The following CNTNAP4 variants were observed in gnomAD, a reference collection of about 807,000 sequenced individuals.
CNTNAP4 encodes contactin associated protein family member 4.
Under a neutral mutation model 148.4 loss-of-function variants are expected in CNTNAP4, and 98 were observed. The observed-to-expected ratio is 0.66, with a 90% CI of 0.56 to 0.78. The LOEUF (loss-of-function observed/expected upper bound fraction) is 0.78. Ranked by LOEUF, CNTNAP4 falls within the 30% of genes least tolerant of loss-of-function variation. The pLI is 0.00. For synonymous variants in CNTNAP4, 730 were observed against 565.1 expected, an observed-to-expected ratio of 1.29 and a Z score of -4.14; for missense variants, 1,935 against 1,565.6, an observed-to-expected ratio of 1.24 and a Z score of -3.98.
chr16:76,335,286 G>A (rs1259852504), intron 2 of CNTNAP4, among the ~76,000 whole-genome samples: 1 of 152,120 alleles, frequency 6.6e-6, no homozygotes, highest in South Asian at 2.1e-4. Flanking sequence ...CTATGTGTGA[G>A]ATGATGTAGA....
Position 76,476,058 on chromosome 16 carries a change from C to T in CNTNAP4, c.1762+13C>T, listed in dbSNP as rs1231917972. 4 of 1,564,054 alleles carry T rather than the reference C, an allele frequency of 2.6e-6. No homozygotes were observed. The highest frequency in any genetic ancestry group is 3.5e-6 in the Non-Finnish European group (4 of 1,134,610). The stretch of plus-strand genomic sequence containing the variant: ...ACTTGCCATAACTGTAAGCGGAACA[C>T]ATCTGCTTTTTCTTGCCCCTGTGAT... On this transcript the variant is annotated intron_variant, in intron 11 of 23. Transcript: ENST00000611870.
At chr16:76,540,675 GT>G (rs1568571631) in intron 20 of CNTNAP4, 27 bp from the exon 21 acceptor site, 1 of 1,488,066 alleles carries the variant, frequency 6.7e-7, no homozygotes, top group Non-Finnish European at 9.2e-7. Flanking sequence ...CCATTTGGAT[GT>G]TTTTATCTTG....
At chr16:76,525,810 A>G (rs1169534175) in intron 17 of CNTNAP4, among the ~76,000 whole-genome samples, 1 of 147,640 alleles carries the variant, frequency 6.8e-6, no homozygotes, top group Non-Finnish European at 1.5e-5. Context: ...GTTTATAGTT[A>G]AGCTAAACTA....
At chr16:76,314,901 AT>A (rs913170114) in intron 1 of CNTNAP4, among the ~76,000 whole-genome samples, 9 of 151,154 alleles carry the variant, frequency 6.0e-5, no homozygotes, top group South Asian at 4.2e-4. Context: ...TATAATTTTC[AT>A]TTTTTTTTGT....
intron 21 of CNTNAP4, among the ~76,000 whole-genome samples, chr16:76,546,707 C>T (rs531761248): frequency 1.3e-5 from 2 of 152,096 alleles, no homozygotes; most frequent in Non-Finnish European, 2.9e-5. Flanking sequence ...CTGTAGAAAA[C>T]CTGTCTTCCT....
chr16:76,436,174 G>T (rs28833619), intron 4 of CNTNAP4, among the ~76,000 whole-genome samples: 97,244 of 151,816 alleles, frequency 0.64, 32,538 homozygotes, highest in African/African-American at 0.84. Context: ...GTCTCAGGCA[G>T]CGCAGGGTTT....
intron 3 of CNTNAP4, among the ~76,000 whole-genome samples, chr16:76,369,765 C>T (rs1460387685): frequency 6.6e-6 from 1 of 152,126 alleles, no homozygotes; most frequent in African/African-American, 2.4e-5. Context: ...TCGCTTCAGC[C>T]TGGGAAGCAG....
chr16:76,516,646 A>C (rs979737855), intron 15 of CNTNAP4, among the ~76,000 whole-genome samples: 5 of 152,268 alleles, frequency 3.3e-5, no homozygotes, highest in Admixed American at 2.0e-4. Context: ...GCTGAAAGCT[A>C]CGTAGGTGTC....
At chr16:76,421,013 T>G (rs977624157) in intron 3 of CNTNAP4, among the ~76,000 whole-genome samples, 1 of 152,066 alleles carries the variant, frequency 6.6e-6, no homozygotes, top group African/African-American at 2.4e-5. Flanking sequence ...ATATCTCTCA[T>G]AAAACAATTT....
chr16:76,556,211 G>A (rs2085192661), intron 23 of CNTNAP4, among the ~76,000 whole-genome samples: 1 of 151,876 alleles, frequency 6.6e-6, no homozygotes, highest in Admixed American at 6.6e-5. Context: ...TGTGGTAGGG[G>A]GTTTCTGGCC....
chr16:76,446,578 T>C (rs943829758), intron 4 of CNTNAP4, among the ~76,000 whole-genome samples: 1 of 152,050 alleles, frequency 6.6e-6, no homozygotes. Flanking sequence ...GATAAGACAG[T>C]CAGAAAGTTG....
intron 23 of CNTNAP4, chr16:76,557,881 A>G (rs2085260124): frequency 6.6e-6 from 1 of 152,202 alleles, no homozygotes; most frequent in African/African-American, 2.4e-5. Context: ...GACCTAATAT[A>G]ATGCCAGCGT....
intron 7 of CNTNAP4, among the ~76,000 whole-genome samples, chr16:76,451,423 A>C (rs1339545792): frequency 6.6e-6 from 1 of 152,166 alleles, no homozygotes; most frequent in Non-Finnish European, 1.5e-5. Context: ...ATTTAAGCTC[A>C]TGTGTCAGCA....
chr16:76,462,238 C>T (rs900093147), intron 9 of CNTNAP4, 133 bp downstream of exon 9: 1 of 778,288 alleles, frequency 1.3e-6, no homozygotes, highest in African/African-American at 1.7e-5. Context: ...TGATCACGGA[C>T]ATTTTGGGTG....
At chr16:76,372,834 A>G (rs1329109328) in intron 3 of CNTNAP4, among the ~76,000 whole-genome samples, 1 of 152,230 alleles carries the variant, frequency 6.6e-6, no homozygotes, top group African/African-American at 2.4e-5. Context: ...CTCAAGTGCT[A>G]CTGGCTAAAA....
At chr16:76,449,922 C>T (rs2080397434) in intron 7 of CNTNAP4, 64 bp downstream of exon 7, 15 of 1,433,278 alleles carry the variant, frequency 1.0e-5, no homozygotes, top group East Asian at 5.0e-5. Context: ...AGTAAAATTC[C>T]TCCATTTTAG....
chr16:76,504,670 A>C, intron 15 of CNTNAP4, among the ~76,000 whole-genome samples: 1 of 152,144 alleles, frequency 6.6e-6, no homozygotes, highest in East Asian at 1.9e-4. Context: ...GAGAAATTGA[A>C]AAGAAAAGCT....
chr16:76,430,307 C>T (rs1213106116), intron 4 of CNTNAP4, among the ~76,000 whole-genome samples: 4 of 152,076 alleles, frequency 2.6e-5, no homozygotes, highest in Non-Finnish European at 5.9e-5. Context: ...AGGAGAAAAG[C>T]AGAATTATCT....
At chr16:76,537,040 T>C (rs548466485) in intron 18 of CNTNAP4, among the ~76,000 whole-genome samples, 9 of 152,292 alleles carry the variant, frequency 5.9e-5, no homozygotes, top group Admixed American at 1.3e-4. Context: ...TAATCTATAA[T>C]TTACAAATCA....
Sources: allele counts gnomAD v4.1 joint callset (sites outside exome capture counted in the v4.1 genomes callset), GRCh38; gene constraint gnomAD v4.1.1; transcripts MANE v1.5; gene names NCBI Gene and HGNC (gene_info 2026-07-23, HGNC 2026-07-21).